The following XKR4 variants were observed in gnomAD, a reference collection of about 807,000 sequenced individuals.
The protein encoded by XKR4 is XK related 4.
A neutral mutation model predicts 53.9 loss-of-function variants in XKR4; 12 were observed. The ratio of observed to expected loss-of-function variants is 0.22; its 90% CI spans 0.14 to 0.36. The LOEUF is 0.36. Ranked by LOEUF, XKR4 falls within the 10% of genes least tolerant of loss-of-function variation. XKR4 has a pLI of 1.00. For missense variants in XKR4, 799 were observed against 859.5 expected, an observed-to-expected ratio of 0.93 and a Z score of 0.88; for synonymous variants, 354 against 362.4, an observed-to-expected ratio of 0.98 and a Z score of 0.26.
chr8:55,302,691 G>A (rs1217088414), intron 1 of XKR4, among the ~76,000 whole-genome samples: 1 of 151,814 alleles, frequency 6.6e-6, no homozygotes, highest in Admixed American at 6.6e-5. Context: ...GTTTGTAGTT[G>A]TCCTTGAAGA....
chr8:55,502,458 A>G (rs1806459205), intron 2 of XKR4, among the ~76,000 whole-genome samples: 1 of 151,934 alleles, frequency 6.6e-6, no homozygotes, highest in African/African-American at 2.4e-5. Flanking sequence ...TGTGGTTTTA[A>G]TTGGTATTTC....
At chr8:55,183,228 C>T (rs1817337414) in intron 1 of XKR4, among the ~76,000 whole-genome samples, 1 of 151,112 alleles carries the variant, frequency 6.6e-6, no homozygotes, top group East Asian at 2.0e-4. Flanking sequence ...TTGATTTCTG[C>T]TCTAATATGT....
chr8:55,483,367 T>G (rs531209501), intron 2 of XKR4, among the ~76,000 whole-genome samples: 1 of 152,232 alleles, frequency 6.6e-6, no homozygotes, highest in African/African-American at 2.4e-5. Flanking sequence ...ATTTTAAAAA[T>G]AAGCAAAAAT....
chr8:55,117,534 T>G (rs1179102382), intron 1 of XKR4, among the ~76,000 whole-genome samples: 4 of 152,212 alleles, frequency 2.6e-5, no homozygotes, highest in Admixed American at 2.6e-4. Context: ...CCATTGTAGC[T>G]TGCCATGCAC....
At chr8:55,183,412 A>T (rs568811351) in intron 1 of XKR4, among the ~76,000 whole-genome samples, 2 of 151,772 alleles carry the variant, frequency 1.3e-5, no homozygotes, top group Non-Finnish European at 2.9e-5. Flanking sequence ...GTGCCCATAA[A>T]TTTTTATGAT....
chr8:55,451,778 G>C, intron 2 of XKR4: 2 of 1,056,632 alleles, frequency 1.9e-6, no homozygotes, highest in Non-Finnish European at 2.9e-6. Flanking sequence ...AGGGGGCCCA[G>C]GCCAAGGCAC....
intron 1 of XKR4, among the ~76,000 whole-genome samples, chr8:55,148,036 G>A (rs1340815963): frequency 6.6e-6 from 1 of 152,162 alleles, no homozygotes; most frequent in Admixed American, 6.5e-5. Context: ...GTAAAAAAAG[G>A]AGGTGGCATT....
At chr8:55,375,491 C>A (rs1184911064) in intron 2 of XKR4, among the ~76,000 whole-genome samples, 1 of 152,146 alleles carries the variant, frequency 6.6e-6, no homozygotes, top group Admixed American at 6.5e-5. Context: ...AGGTCTTGGT[C>A]TGGGCTGAGC....
intron 1 of XKR4, among the ~76,000 whole-genome samples, chr8:55,141,045 AC>A (rs1816695340): frequency 6.6e-6 from 1 of 152,110 alleles, no homozygotes; most frequent in South Asian, 2.1e-4. Flanking sequence ...GCGTGTGAAA[AC>A]ATCACCACAA....
chr8:55,451,751 G>C (rs1805450705), intron 2 of XKR4: 3 of 1,142,942 alleles, frequency 2.6e-6, no homozygotes, highest in South Asian at 1.3e-5. Context: ...GACTTGGCCC[G>C]GCTCAGGCGG....
intron 1 of XKR4, among the ~76,000 whole-genome samples, chr8:55,122,365 T>C (rs1816404100): frequency 6.6e-6 from 1 of 152,236 alleles, no homozygotes; most frequent in Non-Finnish European, 1.5e-5. Context: ...TTTAAAATTT[T>C]ATACAAATAT....
chr8:55,340,174 AAAGAC>A (rs1244138722), intron 1 of XKR4, among the ~76,000 whole-genome samples: 1 of 152,246 alleles, frequency 6.6e-6, no homozygotes, highest in African/African-American at 2.4e-5. Flanking sequence ...CACAATGCTC[AAAGAC>A]AAGAACAAAA....
rs111983839 is a variant in XKR4, at chr8:55,316,769, C to T, written c.807-40909C>T. Reference sequence around the variant, plus strand: ...TCCACCCTTTCTCTACCGCAACCCCCAAGCATATTTGAGATGACTCAGAGG... The same window carrying T: ...TCCACCCTTTCTCTACCGCAACCCCTAAGCATATTTGAGATGACTCAGAGG... On this transcript the variant is annotated intron_variant, in intron 1 of 2. Coordinates refer to ENST00000327381, the MANE Select transcript of XKR4 (RefSeq NM_052898.2). Among the ~76,000 whole-genome samples, 521 of 152,240 alleles carry T rather than the reference C, an allele frequency of 3.4e-3. 2 individuals are homozygous for T. The highest frequency in any genetic ancestry group is 0.012 in the African/African-American group (500 of 41,552).
chr8:55,149,622 T>C (rs1257967975), intron 1 of XKR4, among the ~76,000 whole-genome samples: 1 of 152,216 alleles, frequency 6.6e-6, no homozygotes, highest in Non-Finnish European at 1.5e-5. Flanking sequence ...GGTTGTCAAA[T>C]GGGAAGAGCG....
chr8:55,540,269 A>G lies in XKR4; in HGVS notation c.*16042A>G, dbSNP rs1042850072. 2.6e-5 allele frequency: 4 copies of G among 152,334 alleles called. No individual in the cohort carries two copies. The highest frequency in any genetic ancestry group is 1.3e-4 in the Admixed American group (2 of 15,302). The allele number at this position is 152,334 out of a possible 1,614,324, so 9.4% of individuals were successfully genotyped here. The stretch of plus-strand genomic sequence containing the variant: ...ATTTTCATGGATATTTCCCATTAAC[A>G]TTGTATTCCATGAACAAGTGATAGA... On this transcript the variant is annotated 3_prime_UTR_variant, in exon 3 of 3. Transcript: ENST00000327381.
chr8:55,461,933 AC>A (rs1805664014), intron 2 of XKR4, among the ~76,000 whole-genome samples: 2 of 152,240 alleles, frequency 1.3e-5, no homozygotes, highest in African/African-American at 4.8e-5. Flanking sequence ...AAAAAAGAAT[AC>A]AAAGAAACAA....
intron 2 of XKR4, among the ~76,000 whole-genome samples, chr8:55,390,588 AG>A (rs1804431483): frequency 1.3e-5 from 2 of 152,228 alleles, no homozygotes; most frequent in African/African-American, 4.8e-5. Flanking sequence ...GACTGTGGGC[AG>A]CAGGGCTAGA....
intron 1 of XKR4, among the ~76,000 whole-genome samples, chr8:55,234,891 G>A (rs1047669611): frequency 2.0e-5 from 3 of 152,192 alleles, no homozygotes; most frequent in Non-Finnish European, 4.4e-5. Flanking sequence ...CATGAGCTCT[G>A]CATCCCGGCT....
At chr8:55,205,024 C>G (rs539388660) in intron 1 of XKR4, among the ~76,000 whole-genome samples, 45 of 152,256 alleles carry the variant, frequency 3.0e-4, no homozygotes, top group African/African-American at 9.4e-4. Context: ...TAATTGCTGC[C>G]GACGAACTGT....
Sources: allele counts gnomAD v4.1 joint callset (sites outside exome capture counted in the v4.1 genomes callset), GRCh38; gene constraint gnomAD v4.1.1; transcripts MANE v1.5; gene names NCBI Gene and HGNC (gene_info 2026-07-23, HGNC 2026-07-21).